The following FAAH2 variants were observed in gnomAD, a reference collection of about 807,000 sequenced individuals.
FAAH2 encodes the protein fatty acid amide hydrolase 2.
A neutral mutation model predicts 36.9 loss-of-function variants in FAAH2; 60 were observed. That is an observed-to-expected ratio of 1.63 (90% CI 1.32 to 2.02). The LOEUF (loss-of-function observed/expected upper bound fraction) is 2.02. FAAH2 is among the 30% of genes most tolerant of loss of function. The pLI is 0.00. For synonymous variants in FAAH2, 214 were observed against 143.8 expected (o/e 1.49, Z -3.49); for missense variants, 689 against 397.5 (o/e 1.73, Z -6.23).
the FAAH2 span, among the ~76,000 whole-genome samples, chrX:57,275,541 A>G: frequency 8.9e-6 from 1 of 112,558 alleles, no homozygotes; most frequent in African/African-American, 3.2e-5. Flanking sequence ...ACCAGCTGAC[A>G]TCATAACGAG....
At chrX:57,181,917 A>G in the FAAH2 span, among the ~76,000 whole-genome samples, 4 of 111,844 alleles carry the variant, frequency 3.6e-5, no homozygotes, top group African/African-American at 1.3e-4. Flanking sequence ...GCTTAGAAGT[A>G]ACACTGCACA....
At chrX:57,413,794 TTTGGGCAGTATGGCCA>T (rs1246637661) in intron 7 of FAAH2, among the ~76,000 whole-genome samples, 2 of 112,072 alleles carry the variant, frequency 1.8e-5, no homozygotes, top group African/African-American at 6.5e-5. Context: ...TATAAATTAC[TTTGGGCAGTATGGCCA>T]TTTTCATGAT....
the FAAH2 span, among the ~76,000 whole-genome samples, chrX:57,248,713 A>T: frequency 1.2e-5 from 1 of 85,698 alleles, no homozygotes; most frequent in Non-Finnish European, 2.1e-5. Context: ...AGATCACGCC[A>T]TTGCACTCCA....
At chrX:57,224,628 C>G in the FAAH2 span, among the ~76,000 whole-genome samples, 1 of 111,967 alleles carries the variant, frequency 8.9e-6, no homozygotes, top group East Asian at 2.8e-4. Flanking sequence ...AGACACGTAC[C>G]CCTGAAGATC....
chrX:57,441,396 T>C (rs2056551595), intron 8 of FAAH2, among the ~76,000 whole-genome samples: 1 of 111,743 alleles, frequency 8.9e-6, no homozygotes, highest in South Asian at 3.7e-4. Context: ...TGTAGAAGTG[T>C]TTATACTATT....
chrX:57,259,697 T>C, the FAAH2 span, among the ~76,000 whole-genome samples: 1 of 112,142 alleles, frequency 8.9e-6, no homozygotes, highest in African/African-American at 3.2e-5. Flanking sequence ...ATTCCCCCCA[T>C]ATAGGTAACT....
chrX:57,476,902 T>A (rs1485120773), intron 10 of FAAH2, among the ~76,000 whole-genome samples: 5 of 110,687 alleles, frequency 4.5e-5, no homozygotes, highest in African/African-American at 1.6e-4. Flanking sequence ...ATTCAGGGTT[T>A]CTAATTCTTC....
At chrX:57,466,152 CTCTCTA>C (rs1349747544) in intron 10 of FAAH2, among the ~76,000 whole-genome samples, 227 of 66,827 alleles carry the variant, frequency 3.4e-3, no homozygotes, top group East Asian at 0.011. Flanking sequence ...CTCTCTCTCT[CTCTCTA>C]TATATATATA....
chrX:57,145,433 G>A, the FAAH2 span, among the ~76,000 whole-genome samples: 1 of 111,437 alleles, frequency 9.0e-6, no homozygotes, highest in Admixed American at 9.6e-5. Context: ...ATTTGTTTGA[G>A]TTCCCAGGAG....
In FAAH2 at chrX:57,466,156, C is replaced by CTATATA. The variant is rs1163626331; in HGVS notation, c.1423+17457_1423+17462dup. Among the ~76,000 whole-genome samples the CTATATA allele has an allele frequency of 9.0e-3, 594 of 66,359 alleles. 5 individuals are homozygous for CTATATA. Among genetic ancestry groups the CTATATA allele is most frequent in the African/African-American group, 0.025 (422 of 17,053 alleles). 57.6% of individuals were successfully genotyped at this position (66,359 alleles called of 115,157 possible). On this transcript the variant is annotated intron_variant, in intron 10 of 10. Transcript: ENST00000374900. ...TCTCTCTCTCTCTCTCTCTCTCTCT[C>CTATATA]TATATATATATATATATATATATAC...
chrX:57,216,496 G>A, the FAAH2 span, among the ~76,000 whole-genome samples: 134 of 52,286 alleles, frequency 2.6e-3, no homozygotes, highest in South Asian at 5.0e-3. Context: ...ATATATATAC[G>A]TATATGTATA....
At chrX:57,372,796 G>A (rs1309327765) in intron 5 of FAAH2, among the ~76,000 whole-genome samples, 1 of 110,199 alleles carries the variant, frequency 9.1e-6, no homozygotes, top group Non-Finnish European at 1.9e-5. Context: ...TTTTAGTGGT[G>A]ATTTCTGAGA....
chrX:57,158,401 G>T, the FAAH2 span, among the ~76,000 whole-genome samples: 5 of 111,656 alleles, frequency 4.5e-5, no homozygotes, highest in South Asian at 3.7e-4. Flanking sequence ...TTTCTAGTTC[G>T]AGATCCCTGA....
At chrX:57,394,459 C>T in intron 7 of FAAH2, 2 of 1,201,305 alleles carry the variant, frequency 1.7e-6, no homozygotes, top group East Asian at 3.0e-5. Flanking sequence ...TACCAATGGG[C>T]TTCGGTTTAC....
chrX:57,267,200 C>A, the FAAH2 span, among the ~76,000 whole-genome samples: 3 of 112,540 alleles, frequency 2.7e-5, no homozygotes, highest in Admixed American at 2.8e-4. Context: ...GGCAAATCCC[C>A]AAGTCGTTTT....
At chrX:57,236,863 A>G in the FAAH2 span, among the ~76,000 whole-genome samples, 1 of 111,334 alleles carries the variant, frequency 9.0e-6, no homozygotes, top group South Asian at 3.8e-4. Flanking sequence ...AGTTCAGTGT[A>G]ATCCCATCTG....
intron 8 of FAAH2, among the ~76,000 whole-genome samples, chrX:57,438,927 G>T (rs1377425870): frequency 1.8e-5 from 2 of 109,614 alleles, no homozygotes; most frequent in Non-Finnish European, 1.9e-5. Context: ...CAAAGGACAT[G>T]AACTCATCAT....
chrX:57,194,600 A>G, the FAAH2 span, among the ~76,000 whole-genome samples: 1 of 109,874 alleles, frequency 9.1e-6, no homozygotes, highest in Non-Finnish European at 1.9e-5. Context: ...TTATTTTTAT[A>G]TCAGTAGGTT....
chrX:57,287,311 C>T (rs1342529423), intron 1 of FAAH2, among the ~76,000 whole-genome samples: 1 of 111,430 alleles, frequency 9.0e-6, no homozygotes, highest in East Asian at 2.8e-4. Flanking sequence ...GAATTTCAAA[C>T]TGATTCTCAG....
Sources: gnomAD v4.1 joint callset for allele counts (sites outside exome capture counted in the v4.1 genomes callset) on GRCh38, gnomAD v4.1.1 for gene constraint, MANE v1.5 for transcripts, NCBI Gene and HGNC (gene_info 2026-07-23, HGNC 2026-07-21) for gene names.